The following MCM10 variants were observed in gnomAD, a reference collection of about 807,000 sequenced individuals.
MCM10 encodes protein MCM10 homolog.
MCM10 carries 91 observed loss-of-function variants against 109.9 expected under a neutral mutation model. That is an observed-to-expected ratio of 0.83 (90% CI 0.70 to 0.99). The LOEUF (loss-of-function observed/expected upper bound fraction) is 0.99, where lower values mean the gene tolerates loss of function less well. MCM10 is among the 50% of genes least tolerant of loss of function. MCM10 has a pLI of 0.00. For missense variants in MCM10, 1,077 were observed against 1,061.2 expected (o/e 1.01, Z -0.21); for synonymous variants, 380 against 387.2 (o/e 0.98, Z 0.22).
chr10:13,170,303 A>C (rs1316919232), intron 2 of MCM10, among the ~76,000 whole-genome samples: 1 of 152,216 alleles, frequency 6.6e-6, no homozygotes, highest in Non-Finnish European at 1.5e-5. Flanking sequence ...AGCAAACAAC[A>C]AAATGTTAAT....
At chr10:13,197,898 A>T (rs1834443467) in intron 15 of MCM10, 131 bp downstream of exon 15, 3 of 907,974 alleles carry the variant, frequency 3.3e-6, no homozygotes, top group Non-Finnish European at 4.8e-6. Flanking sequence ...CCTAAATAGA[A>T]TTTCTATGGG....
In MCM10 at chr10:13,209,112, G is replaced by A; in HGVS notation, c.2520G>A (p.Trp840Ter). ...KHCSNCGLYKWERDGMLKEKT... is the reference protein window; with the variant it reads ...KHCSNCGLYK ...TCAGTAACTGTGGCCTCTACAAATG[G>A]GAACGGGACGGAATGCTAAAGGTAT... Residue 840 changes from tryptophan to a stop codon, truncating the protein, a stop_gained, in exon 19 of 20, where the codon TGG becomes TGA. Coordinates refer to ENST00000378714, the MANE Select transcript of MCM10 (RefSeq NM_018518.5). LOFTEE classifies it high-confidence loss of function. 1 of 1,613,188 alleles carries A rather than the reference G, an allele frequency of 6.2e-7. No homozygotes were observed. The highest frequency in any genetic ancestry group is 1.1e-5 in the South Asian group (1 of 91,062).
At chr10:13,176,433 T>C (rs1834142453) in intron 6 of MCM10, among the ~76,000 whole-genome samples, 1 of 152,210 alleles carries the variant, frequency 6.6e-6, no homozygotes, top group African/African-American at 2.4e-5. Context: ...ACAGTACTCC[T>C]TACTGTGAGA....
intron 11 of MCM10, among the ~76,000 whole-genome samples, chr10:13,191,945 C>T (rs1463398070): frequency 6.6e-6 from 1 of 152,100 alleles, no homozygotes; most frequent in Non-Finnish European, 1.5e-5. Context: ...GAGAATGCAG[C>T]CCCCATCCTG....
chr10:13,195,311 T>C, intron 14 of MCM10, 42 bp downstream of exon 14: 1 of 1,472,856 alleles, frequency 6.8e-7, no homozygotes, highest in Non-Finnish European at 9.3e-7. Context: ...GTTTGCATTC[T>C]GTAGAGCAGA....
At position 13,180,489 on chromosome 10, in the gene MCM10, G is replaced by A. The variant is rs556697001; in HGVS notation, c.812G>A (p.Arg271Gln). Residue 271 changes from arginine to glutamine, a missense_variant, in exon 7 of 20, where the codon CGA becomes CAA. Physicochemically the swap from Arg to Gln is conservative, Grantham distance 43 (BLOSUM62 1). Transcript: ENST00000378714. ...STEMNKKMTG[R>Q]KLIRLSQIKE... ...GAAATGAACAAGAAAATGACCGGCC[G>A]AAAACTGATCAGACTGTCTCAGATC... 20 of 1,613,944 alleles carry A rather than the reference G, an allele frequency of 1.2e-5. No homozygotes were observed. In the South Asian group the frequency reaches 1.3e-4, roughly 11 times the overall value.
chr10:13,173,470 T>A (rs983743235), intron 5 of MCM10, among the ~76,000 whole-genome samples: 19 of 152,198 alleles, frequency 1.2e-4, no homozygotes, highest in African/African-American at 4.3e-4. Flanking sequence ...ACAGTCCTAG[T>A]TCAGCACACA....
chr10:13,192,573 G>C lies in MCM10; in HGVS notation c.1745+5G>C, dbSNP rs780917556. 6.2e-7 allele frequency: 1 copy of C among 1,612,942 alleles called. No homozygotes were observed. Among genetic ancestry groups the C allele is most frequent in the Non-Finnish European group, 8.5e-7 (1 of 1,179,036 alleles). On this transcript the variant is annotated splice_donor_5th_base_variant and intron_variant, in intron 13 of 19. Coordinates refer to ENST00000378714, the MANE Select transcript of MCM10 (RefSeq NM_018518.5). The stretch of plus-strand genomic sequence containing the variant: ...ATCAGAAGAAATACAGAAGCGGTAA[G>C]AGGAGCAGATTTAATATTCCCCGCT...
chr10:13,187,747 T>A (rs1834293308), intron 9 of MCM10, among the ~76,000 whole-genome samples: 1 of 152,170 alleles, frequency 6.6e-6, no homozygotes, highest in Admixed American at 6.5e-5. Context: ...TCCTTCCTAT[T>A]AGATTAATTG....
chr10:13,197,035 C>T (rs992526459), intron 14 of MCM10, among the ~76,000 whole-genome samples: 9 of 147,626 alleles, frequency 6.1e-5, no homozygotes, highest in African/African-American at 2.2e-4. Context: ...AGGTGATCCT[C>T]CCATCTCAGT....
At chr10:13,174,134 A>ATTTTT (rs139116646) in intron 5 of MCM10, among the ~76,000 whole-genome samples, 2 of 75,146 alleles carry the variant, frequency 2.7e-5, no homozygotes, top group African/African-American at 9.6e-5. Context: ...CTAGTTTTGG[A>ATTTTT]TTTTTTTTTT....
chr10:13,210,525 G>A lies in MCM10; in HGVS notation c.*1215G>A, dbSNP rs1564397204. The A allele has an allele frequency of 2.0e-5, 3 of 152,136 alleles. No homozygotes were observed. The highest frequency in any genetic ancestry group is 6.5e-5 in the Admixed American group (1 of 15,270). 9.4% of individuals were successfully genotyped at this position (152,136 alleles called of 1,614,324 possible). On this transcript the variant is annotated 3_prime_UTR_variant, in exon 20 of 20. Coordinates refer to ENST00000378714, the MANE Select transcript of MCM10 (RefSeq NM_018518.5). ...AAGTAATTTAGGTTTCCCCTAAGAT[G>A]TTATTATGTTAGGGACATAACACTT...
chr10:13,208,688 G>T (rs533583886), intron 18 of MCM10, among the ~76,000 whole-genome samples: 1 of 151,770 alleles, frequency 6.6e-6, no homozygotes. Context: ...CAACCTTTTT[G>T]CTCCAAAAAA....
At position 13,170,559 on chromosome 10, in the gene MCM10, C is replaced by T. The variant is rs559605637; in HGVS notation, c.8-363C>T. On this transcript the variant is annotated intron_variant, in intron 2 of 19. Coordinates refer to ENST00000378714, the MANE Select transcript of MCM10 (RefSeq NM_018518.5). ...CCCCGTGGCTGGCCCACTCTACTCA[C>T]TAAGCAGTATTGGCTCCTTCTTAGC... Among the ~76,000 whole-genome samples, 4 of 152,300 alleles carry T rather than the reference C, an allele frequency of 2.6e-5. No individual in the cohort carries two copies. The South Asian group carries it at 8.3e-4, about 32-fold the overall frequency.
intron 9 of MCM10, 56 bp from the exon 10 acceptor site, chr10:13,188,825 C>G: frequency 6.9e-7 from 1 of 1,459,710 alleles, no homozygotes; most frequent in Non-Finnish European, 9.6e-7. Context: ...TGTCTGCTCA[C>G]TGCTGTTTCC....
intron 16 of MCM10, among the ~76,000 whole-genome samples, chr10:13,200,859 A>C (rs1022371164): frequency 2.0e-5 from 3 of 152,192 alleles, no homozygotes; most frequent in Non-Finnish European, 4.4e-5. Flanking sequence ...AAAGTCACCA[A>C]ATGGGCCAGG....
In MCM10 at chr10:13,188,915, C is replaced by T. The variant is rs35114749; in HGVS notation, c.1250C>T (p.Ala417Val). 0.013 allele frequency: 20,195 copies of T among 1,614,150 alleles called. 229 individuals carry two copies. The highest frequency in any genetic ancestry group is 0.037 in the South Asian group (3,394 of 91,074). The change falls in exon 10 of 20, where the codon GCT becomes GTT. Residue 417 changes from alanine (A) to valine (V), a missense_variant. Coordinates refer to ENST00000378714, the MANE Select transcript of MCM10 (RefSeq NM_018518.5). Reference protein sequence around the residue: ...DCEYCQYHVQAQYKKLSAKRA... With the variant: ...DCEYCQYHVQVQYKKLSAKRA... ...GAGTACTGTCAGTACCATGTCCAGGCTCAGTACAAGAAGCTCAGCGCAAAG... is the reference window on the plus strand; with the variant it reads ...GAGTACTGTCAGTACCATGTCCAGGTTCAGTACAAGAAGCTCAGCGCAAAG...
intron 13 of MCM10, among the ~76,000 whole-genome samples, chr10:13,193,095 C>T (rs1834370744): frequency 6.6e-6 from 1 of 152,002 alleles, no homozygotes; most frequent in Non-Finnish European, 1.5e-5. Flanking sequence ...CCATATTGCC[C>T]AAGCTGGTCT....
At chr10:13,188,736 C>T (rs778342703) in intron 9 of MCM10, 145 bp from the exon 10 acceptor site, 2 of 738,632 alleles carry the variant, frequency 2.7e-6, no homozygotes, top group Admixed American at 1.8e-5. Context: ...AGCAGCCCTT[C>T]CACATTGGGA....
Sources: allele counts gnomAD v4.1 joint callset (sites outside exome capture counted in the v4.1 genomes callset), GRCh38; gene constraint gnomAD v4.1.1; transcripts MANE v1.5; gene names NCBI Gene and HGNC (gene_info 2026-07-23, HGNC 2026-07-21).